Variants in SLC34A1 observed in about 807,000 individuals in gnomAD.
SLC34A1 encodes the protein sodium-dependent phosphate transport protein 2A.
SLC34A1 carries 57 observed loss-of-function variants against 51.4 expected under a neutral mutation model. That is an observed-to-expected ratio of 1.11 (90% CI 0.90 to 1.38). The LOEUF is 1.38. Among genes scored for constraint, SLC34A1 ranks in the 40% most tolerant of loss-of-function variants. The pLI is 0.00. For missense variants in SLC34A1, 796 were observed against 835.6 expected, an observed-to-expected ratio of 0.95 and a Z score of 0.58; for synonymous variants, 368 against 358.0, an observed-to-expected ratio of 1.03 and a Z score of -0.32.
At chr5:177,390,615 A>G (rs1211307316) in intron 8 of SLC34A1, 1 of 153,968 alleles carries the variant, frequency 6.5e-6, no homozygotes, top group African/African-American at 2.4e-5. Context: ...GACCATAGCC[A>G]CGTGGAGACG....
intron 5 of SLC34A1, 62 bp from the exon 6 acceptor site, chr5:177,387,700 G>T: frequency 1.5e-6 from 2 of 1,370,874 alleles, no homozygotes; most frequent in South Asian, 2.3e-5. Flanking sequence ...CCTGACAGGA[G>T]TTGTGGTGGT....
chr5:177,391,782 G>A (rs950027069), intron 8 of SLC34A1, among the ~76,000 whole-genome samples: 4 of 152,208 alleles, frequency 2.6e-5, no homozygotes, highest in Admixed American at 6.5e-5. Context: ...TGTGATGAGC[G>A]CTTTAAACAC....
chr5:177,386,469 C>G lies in SLC34A1; in HGVS notation c.435C>G (p.Asn145Lys), dbSNP rs1436421212. The G allele has an allele frequency of 6.2e-7, 1 of 1,614,004 alleles. No individual in the cohort carries two copies. The highest frequency in any genetic ancestry group is 1.7e-5 in the Admixed American group (1 of 60,008). ...DIFKDNAILSNPVAGLVVGIL... is the reference protein window; with the variant it reads ...DIFKDNAILSKPVAGLVVGIL... ...TCAAGGATAACGCCATCCTGTCCAA[C>G]CCGGTGGCCGGGCTGGTGGTGGGGA... Residue 145 changes from asparagine to lysine, a missense_variant, in exon 5 of 13, where the codon AAC becomes AAG. Coordinates refer to ENST00000324417, the MANE Select transcript of SLC34A1 (RefSeq NM_003052.5). The surrounding 1 kb of genome is among the most constrained non-coding windows in gnomAD (Gnocchi z 4.8).
intron 12 of SLC34A1, chr5:177,397,514 C>CT (rs1763008889): frequency 3.5e-6 from 2 of 571,764 alleles, no homozygotes; most frequent in Non-Finnish European, 6.3e-6. Context: ...GCAGTATCTG[C>CT]TGGGGGATTC....
At chr5:177,394,972 C>T (rs939319396) in intron 10 of SLC34A1, among the ~76,000 whole-genome samples, 15 of 152,114 alleles carry the variant, frequency 9.9e-5, no homozygotes, top group Middle Eastern at 3.4e-3. Flanking sequence ...GGATTACAGG[C>T]ATGAGCCACC....
At position 177,398,128 on chromosome 5, in the gene SLC34A1, C is replaced by T. The variant is rs745488812; in HGVS notation, c.1762C>T (p.Pro588Ser). 6.2e-7 allele frequency: 1 copy of T among 1,611,230 alleles called. No homozygotes were observed. The highest frequency in any genetic ancestry group is 1.1e-5 in the South Asian group (1 of 90,926). The change falls in exon 13 of 13, where the codon CCC (proline) becomes TCC (serine). Residue 588 changes from proline to serine, a missense_variant. Pro to Ser is a moderately conservative substitution (Grantham distance 74). Coordinates refer to ENST00000324417, the MANE Select transcript of SLC34A1 (RefSeq NM_003052.5). This position sits in a 1 kb window ranked among gnomAD's most constrained non-coding sequence, Gnocchi z 4.7. ...GCCTCGCTGGATGCACTCCCTGAAGCCCCTGGACCACCTCATCACCCGCGC... is the reference window on the plus strand; with the variant it reads ...GCCTCGCTGGATGCACTCCCTGAAGTCCCTGGACCACCTCATCACCCGCGC... ...FLPRWMHSLK[P>S]LDHLITRATL...
In SLC34A1 at chr5:177,396,629, C is replaced by T. The variant is rs1260781596; in HGVS notation, c.1175-104C>T. 3 of 854,336 alleles carry T rather than the reference C, an allele frequency of 3.5e-6. No individual in the cohort carries two copies. The highest frequency in any genetic ancestry group is 1.7e-5 in the African/African-American group (1 of 59,038). 52.9% of individuals were successfully genotyped at this position (854,336 alleles called of 1,614,324 possible). On this transcript the variant is annotated intron_variant, in intron 10 of 12. Transcript: ENST00000324417. The surrounding 1 kb of genome is among the most constrained non-coding windows in gnomAD (Gnocchi z 4.0). ...AGTGCCCCCGCGGAGATCCGCTCTC[C>T]CAGTGCCCCCGCGGAGGTCCGCTCT... is the stretch of plus-strand genomic sequence containing the variant.
rs148615663 is a variant in SLC34A1, at chr5:177,393,686, T to A, written c.937-8T>A. The stretch of plus-strand genomic sequence containing the variant: ...CTAATTCACTAAGTCACCCTCCTCC[T>A]GATCTAGGCTCCCACCTCCATGTCC... On this transcript the variant is annotated splice_region_variant and splice_polypyrimidine_tract_variant and intron_variant, in intron 8 of 12. Transcript: ENST00000324417. 8.9e-5 allele frequency: 144 copies of A among 1,614,146 alleles called. No individual in the cohort carries two copies. The African/African-American group carries it at 1.8e-3, about 20-fold the overall frequency.
rs752762105 is a variant in SLC34A1 at position 177,394,204 on chromosome 5, C to A, written c.1174+9C>A. The A allele has an allele frequency of 3.7e-6, 6 of 1,613,712 alleles. No homozygotes were observed. In the Admixed American group the frequency reaches 6.7e-5, roughly 18 times the overall value. ...GAAGGTCATCAATACGGGTGAGCTG[C>A]GAGCAGTTGACTGGGCAGGGCCACA... On this transcript the variant is annotated intron_variant, in intron 10 of 12. Transcript: ENST00000324417.
rs1762963787 is a variant in SLC34A1, at chr5:177,396,479, C to CTCTGACCCCAGCCTGCTG, written c.1175-254_1175-253insTCTGACCCCAGCCTGCTG. Reference sequence around the variant, plus strand: ...GAGGTCCGCTCTCCCAGTGCCCCCGCGGAGGTCCTCTCTCCCAGTGCCCCC... The same window carrying CTCTGACCCCAGCCTGCTG: ...GAGGTCCGCTCTCCCAGTGCCCCCGCTCTGACCCCAGCCTGCTGGGAGGTCCTCTCTCCCAGTGCCCCC... On this transcript the variant is annotated intron_variant, in intron 10 of 12. Transcript: ENST00000324417. The surrounding 1 kb of genome is among the most constrained non-coding windows in gnomAD (Gnocchi z 4.0). 7.3e-6 allele frequency among the ~76,000 whole-genome samples: 1 copy of CTCTGACCCCAGCCTGCTG among 137,780 alleles called. No individual in the cohort carries two copies. The highest frequency in any genetic ancestry group is 2.5e-4 in the South Asian group (1 of 3,944). The allele number at this position is 137,780 out of a possible 152,430, so 90.4% of individuals were successfully genotyped here. A position where few individuals can be genotyped will look rare whatever the true frequency, so the allele number is the denominator to read the frequency against.
chr5:177,387,891 T>C lies in SLC34A1; in HGVS notation c.644+18T>C, dbSNP rs1762649754. On this transcript the variant is annotated intron_variant, in intron 6 of 12. Transcript: ENST00000324417. ...TTCCGGCGGTGAGGGGGGCTGGGGG[T>C]TGGGGGCTCGTGCCTGGGGGAGGAC... The C allele has an allele frequency of 2.5e-6, 4 of 1,591,602 alleles. No individual in the cohort carries two copies. Among genetic ancestry groups the C allele is most frequent in the African/African-American group, 2.8e-5 (2 of 72,582 alleles).
chr5:177,389,829 C>T, intron 8 of SLC34A1: 1 of 1,503,646 alleles, frequency 6.7e-7, no homozygotes, highest in South Asian at 1.2e-5. Flanking sequence ...GGGGAGGCCG[C>T]CCTTGGGCCT....
In SLC34A1 at chr5:177,388,532, C is replaced by T. The variant is rs1447738387; in HGVS notation, c.936+160C>T. Reference sequence around the variant, plus strand: ...TGCTTACAGTTAACATTGCTAATTCCTCCCAACTTCCCACATCGCCTTAGG... The same window carrying T: ...TGCTTACAGTTAACATTGCTAATTCTTCCCAACTTCCCACATCGCCTTAGG... On this transcript the variant is annotated intron_variant, in intron 8 of 12. Transcript: ENST00000324417. This position sits in a 1 kb window ranked among gnomAD's most constrained non-coding sequence, Gnocchi z 4.3. Among the ~76,000 whole-genome samples, 2 of 152,214 alleles carry T rather than the reference C, an allele frequency of 1.3e-5. No individual in the cohort carries two copies. The highest frequency in any genetic ancestry group is 2.9e-5 in the Non-Finnish European group (2 of 68,048).
Position 177,398,364 on chromosome 5 carries a change from T to C in SLC34A1, c.*78T>C. The C allele has an allele frequency of 6.5e-7, 1 of 1,542,646 alleles. No homozygotes were observed. The highest frequency in any genetic ancestry group is 1.4e-5 in the African/African-American group (1 of 73,898). Reference sequence around the variant, plus strand: ...AGGGGAGGGAGGGTGTGTGTAGGTATGTGCATGTGCCTGTGCCACCCTGGG... The same window carrying C: ...AGGGGAGGGAGGGTGTGTGTAGGTACGTGCATGTGCCTGTGCCACCCTGGG... On this transcript the variant is annotated 3_prime_UTR_variant, in exon 13 of 13. Transcript: ENST00000324417. The surrounding 1 kb of genome is among the most constrained non-coding windows in gnomAD (Gnocchi z 4.7).
intron 5 of SLC34A1, among the ~76,000 whole-genome samples, chr5:177,387,108 T>A (rs111689041): frequency 1.3e-4 from 20 of 151,870 alleles, no homozygotes; most frequent in Non-Finnish European, 2.2e-4. Context: ...CAGTGGCTCA[T>A]GCCTGTAATC....
chr5:177,389,481 GC>G (rs1762724573), intron 8 of SLC34A1, among the ~76,000 whole-genome samples: 1 of 151,966 alleles, frequency 6.6e-6, no homozygotes, highest in Admixed American at 6.6e-5. Context: ...CTCCAGCTCA[GC>G]CTCTGAGTGT....
chr5:177,385,812 T>A lies in SLC34A1; in HGVS notation c.71T>A (p.Met24Lys). 6.2e-7 allele frequency: 1 copy of A among 1,613,466 alleles called. No homozygotes were observed. ...SPLPVRGGHV[M>K]RGTAFAYVPS... ...CTCCCAGTCCGTGGGGGGCATGTGA[T>A]GCGAGGGACGGCCTTTGCCTACGTG... The change falls in exon 2 of 13, where the codon ATG (methionine) becomes AAG (lysine). Residue 24 changes from methionine to lysine, a missense_variant. Met to Lys is a moderately conservative substitution (Grantham distance 95). Coordinates refer to ENST00000324417, the MANE Select transcript of SLC34A1 (RefSeq NM_003052.5).
At chr5:177,393,904 G>C (rs1182912198) in intron 9 of SLC34A1, 124 bp from the exon 10 acceptor site, 4 of 1,501,822 alleles carry the variant, frequency 2.7e-6, no homozygotes, top group Non-Finnish European at 3.7e-6. Context: ...CCTGGGTCAA[G>C]CTCCGGTGTT....
intron 8 of SLC34A1, among the ~76,000 whole-genome samples, chr5:177,392,712 C>T (rs906288541): frequency 6.6e-6 from 1 of 152,178 alleles, no homozygotes; most frequent in Admixed American, 6.5e-5. Context: ...CAGCCTCGAC[C>T]ACCTGGGCTC....
Sources: allele counts gnomAD v4.1 joint callset (sites outside exome capture counted in the v4.1 genomes callset), GRCh38; gene constraint gnomAD v4.1.1; non-coding constraint Gnocchi (gnomAD v3.1); transcripts MANE v1.5; gene names NCBI Gene and HGNC (gene_info 2026-07-23, HGNC 2026-07-21).